Variants in ZNF107 observed in about 807,000 individuals in gnomAD.
ZNF107 encodes the protein C2H2 type zinc-finger protein.
A neutral mutation model predicts 12.3 loss-of-function variants in ZNF107; 19 were observed. That is an observed-to-expected ratio of 1.55 (90% confidence interval 1.08 to 2.27). ZNF107 has a LOEUF of 2.27. ZNF107 is among the 30% of genes most tolerant of loss of function. The probability of loss-of-function intolerance (pLI) is 0.00; values close to 1 mark genes in which losing one functional copy is unlikely to be tolerated. For synonymous variants in ZNF107, 317 were observed against 330.5 expected, an observed-to-expected ratio of 0.96 and a Z score of 0.44; for missense variants, 958 against 979.9, an observed-to-expected ratio of 0.98 and a Z score of 0.30.
intron 1 of ZNF107, chr7:64,669,205 G>A (rs188139192): frequency 4.0e-5 from 6 of 151,316 alleles, no homozygotes; most frequent in Admixed American, 3.3e-4. Flanking sequence ...TATTAGACAC[G>A]GGGTTTCACC....
In ZNF107 at chr7:64,691,956, C is replaced by A; in HGVS notation, c.222C>A (p.Pro74=). 1 of 1,513,102 alleles carries A rather than the reference C, an allele frequency of 6.6e-7. No homozygotes were observed. 93.7% of individuals were successfully genotyped at this position (1,513,102 alleles called of 1,614,324 possible). Residue 74 remains proline (P), a synonymous_variant, in exon 3 of 4, where the codon CCC becomes CCA. Coordinates refer to ENST00000620827, the MANE Select transcript of ZNF107 (RefSeq NM_001282359.2). ...AAAGACATGAGATGGTAGCCAAACC[C>A]CCAGGTAGGTGAGAGTGAAAGTGAA... ...NIKRHEMVAK[P]PVMSFHFAQD...
intron 1 of ZNF107, among the ~76,000 whole-genome samples, chr7:64,683,621 A>G (rs552066707): frequency 7.9e-5 from 12 of 152,054 alleles, no homozygotes; most frequent in Non-Finnish European, 1.3e-4. Context: ...TTATCCCTCC[A>G]TGACCGCTTC....
intron 1 of ZNF107, among the ~76,000 whole-genome samples, chr7:64,671,122 G>C (rs1181366497): frequency 3.9e-5 from 6 of 151,980 alleles, no homozygotes; most frequent in Non-Finnish European, 8.8e-5. Context: ...GGAACTCTGG[G>C]TGTCTGGGAA....
chr7:64,697,429 C>T (rs1342901556), intron 3 of ZNF107, among the ~76,000 whole-genome samples: 3 of 152,154 alleles, frequency 2.0e-5, no homozygotes, highest in African/African-American at 4.8e-5. Context: ...TTCACAGTCC[C>T]ACCAACAGTG....
chr7:64,686,684 CA>C, intron 1 of ZNF107: 1 of 968,582 alleles, frequency 1.0e-6, no homozygotes, highest in Non-Finnish European at 1.2e-6. Flanking sequence ...CTGCAACAAC[CA>C]AAAACCACAA....
Position 64,709,121 on chromosome 7 carries a change from G to A in ZNF107, c.*465G>A. On this transcript the variant is annotated 3_prime_UTR_variant, in exon 4 of 4. Coordinates refer to ENST00000620827, the MANE Select transcript of ZNF107 (RefSeq NM_001282359.2). ...TACAGAAATTCATACTGGAGAGAAAGCCTACAATTGTGAAGAATGTGGCAA... is the reference window on the plus strand; with the variant it reads ...TACAGAAATTCATACTGGAGAGAAAACCTACAATTGTGAAGAATGTGGCAA... 2.2e-6 allele frequency: 1 copy of A among 457,940 alleles called. No homozygotes were observed. Among genetic ancestry groups the A allele is most frequent in the East Asian group, 5.9e-5 (1 of 16,982 alleles). 28.4% of individuals were successfully genotyped at this position (457,940 alleles called of 1,614,324 possible). A position where few individuals can be genotyped will look rare whatever the true frequency, so the allele number is the denominator to read the frequency against.
At chr7:64,690,625 G>A in intron 1 of ZNF107, 4 of 784,238 alleles carry the variant, frequency 5.1e-6, no homozygotes, top group South Asian at 5.8e-5. Flanking sequence ...TGCAGATCCA[G>A]TAGTTTCCCA....
chr7:64,709,207 C>A lies in ZNF107; in HGVS notation c.*551C>A. The A allele has an allele frequency of 2.4e-6, 1 of 414,034 alleles. No homozygotes were observed. The highest frequency in any genetic ancestry group is 2.0e-5 in the South Asian group (1 of 50,722). The allele number at this position is 414,034 out of a possible 1,614,324, so 25.6% of individuals were successfully genotyped here. On this transcript the variant is annotated 3_prime_UTR_variant, in exon 4 of 4. Transcript: ENST00000620827. Reference sequence around the variant, plus strand: ...AGAAAATTCATACTGGAAAGAAACCCTACAAATGTGAAGTCTGTGGCAAAG... The same window carrying A: ...AGAAAATTCATACTGGAAAGAAACCATACAAATGTGAAGTCTGTGGCAAAG...
chr7:64,672,182 T>A (rs1290857578), intron 1 of ZNF107, among the ~76,000 whole-genome samples: 2 of 152,110 alleles, frequency 1.3e-5, no homozygotes, highest in African/African-American at 2.4e-5. Flanking sequence ...CTCTTATACA[T>A]GAGAAAATAT....
intron 3 of ZNF107, among the ~76,000 whole-genome samples, chr7:64,701,981 A>G (rs1562842456): frequency 6.6e-6 from 1 of 152,056 alleles, no homozygotes; most frequent in East Asian, 1.9e-4. Context: ...TTTTATTATT[A>G]TTGTTTTATG....
chr7:64,680,872 C>A (rs914501114), intron 1 of ZNF107, among the ~76,000 whole-genome samples: 2 of 152,308 alleles, frequency 1.3e-5, no homozygotes, highest in African/African-American at 4.8e-5. Flanking sequence ...CGCCGTAAGA[C>A]GAACCCCAGC....
chr7:64,672,117 C>G lies in ZNF107; in HGVS notation c.3+5832C>G, dbSNP rs192938320. ...CCTTTTTGTTCTTTCACCTTCCACC[C>G]TCAGCTAGGCCTCTGTTGTTCCCCT... On this transcript the variant is annotated intron_variant, in intron 1 of 3. Transcript: ENST00000620827. 3.0e-3 allele frequency among the ~76,000 whole-genome samples: 455 copies of G among 152,156 alleles called. 2 individuals are homozygous for G. The highest frequency in any genetic ancestry group is 0.011 in the South Asian group (51 of 4,830).
chr7:64,708,528 C>A lies in ZNF107; in HGVS notation c.2431C>A (p.His811Asn), dbSNP rs778681133. ...FSSLNIHKII[H>N]TGEKPYKCGD... is the part of the protein sequence containing the mutation. ...ATCTCTTAATATACATAAGATAATT[C>A]ATACTGGAGAGAAACCCTACAAATG... Residue 811 changes from histidine (H) to asparagine (N), a missense_variant, in exon 4 of 4, where the codon CAT becomes AAT. Physicochemically the swap from His to Asn is moderately conservative, Grantham distance 68. Transcript: ENST00000620827. 3 of 1,612,690 alleles carry A rather than the reference C, an allele frequency of 1.9e-6. No individual in the cohort carries two copies. The highest frequency in any genetic ancestry group is 2.2e-5 in the South Asian group (2 of 90,988).
intron 1 of ZNF107, among the ~76,000 whole-genome samples, chr7:64,672,157 G>A (rs1789256306): frequency 6.6e-6 from 1 of 151,800 alleles, no homozygotes. Context: ...GTGTCCATGT[G>A]TTCTTATTAT....
At position 64,710,714 on chromosome 7, in the gene ZNF107, A is replaced by G. The variant is rs1320073071; in HGVS notation, c.*2058A>G. 1 of 152,132 alleles carries G rather than the reference A, an allele frequency of 6.6e-6. No homozygotes were observed. Among genetic ancestry groups the G allele is most frequent in the East Asian group, 1.9e-4 (1 of 5,204 alleles). 9.4% of individuals were successfully genotyped at this position (152,132 alleles called of 1,614,324 possible). A position where few individuals can be genotyped will look rare whatever the true frequency, so the allele number is the denominator to read the frequency against. On this transcript the variant is annotated 3_prime_UTR_variant, in exon 4 of 4. Transcript: ENST00000620827. ...TCATTCCTATTGTATTCACATGTGA[A>G]AGCATGTGATTAATTTTTCATGCAT...
chr7:64,679,313 AG>A, intron 1 of ZNF107: 1 of 985,102 alleles, frequency 1.0e-6, no homozygotes, highest in Non-Finnish European at 1.2e-6. Context: ...GCTCTGTAAA[AG>A]CCCCGCCTCT....
chr7:64,704,715 G>A (rs1160840146), intron 3 of ZNF107, among the ~76,000 whole-genome samples: 3 of 152,054 alleles, frequency 2.0e-5, no homozygotes, highest in East Asian at 3.9e-4. Flanking sequence ...CACTCTTGTT[G>A]CCCAGGCTGG....
intron 1 of ZNF107, chr7:64,679,210 C>T (rs1362739621): frequency 2.4e-5 from 24 of 984,790 alleles, no homozygotes; most frequent in Admixed American, 6.2e-5. Context: ...TGCTGAAATC[C>T]GGGATAGGGG....
chr7:64,684,845 TC>T, intron 1 of ZNF107: 1 of 503,362 alleles, frequency 2.0e-6, no homozygotes, highest in Non-Finnish European at 2.6e-6. Context: ...ATGGCCGCAC[TC>T]CCACTTCCAG....
Sources: allele counts gnomAD v4.1 joint callset (sites outside exome capture counted in the v4.1 genomes callset), GRCh38; gene constraint gnomAD v4.1.1; transcripts MANE v1.5; gene names NCBI Gene and HGNC (gene_info 2026-07-23, HGNC 2026-07-21).